SPEF2: variants seen among roughly 807,000 people sequenced by gnomAD.
SPEF2 encodes sperm flagella and cilia-associated protein 2.
In SPEF2, 187 loss-of-function variants were observed where a neutral mutation model predicts 224.6. The ratio of observed to expected loss-of-function variants is 0.83; its 90% CI spans 0.74 to 0.94. The LOEUF (loss-of-function observed/expected upper bound fraction) is 0.94. Ranked by LOEUF, SPEF2 falls within the 40% of genes least tolerant of loss-of-function variation. SPEF2 has a pLI of 0.00. For missense variants in SPEF2, 2,170 were observed against 2,135.6 expected, an observed-to-expected ratio of 1.02 and a Z score of -0.32; for synonymous variants, 715 against 707.3, an observed-to-expected ratio of 1.01 and a Z score of -0.17.
intron 20 of SPEF2, among the ~76,000 whole-genome samples, chr5:35,719,589 G>T (rs562447232): frequency 6.6e-6 from 1 of 151,710 alleles, no homozygotes; most frequent in African/African-American, 2.4e-5. Flanking sequence ...CCAAGATAAA[G>T]TTGGAGCTCC....
intron 27 of SPEF2, among the ~76,000 whole-genome samples, chr5:35,772,743 G>T (rs1355444184): frequency 6.6e-6 from 1 of 152,166 alleles, no homozygotes; most frequent in Non-Finnish European, 1.5e-5. Context: ...TGACTTTAAT[G>T]GAATCACTGT....
intron 20 of SPEF2, among the ~76,000 whole-genome samples, chr5:35,716,293 A>G (rs1450502459): frequency 6.6e-6 from 1 of 152,114 alleles, no homozygotes; most frequent in Non-Finnish European, 1.5e-5. Flanking sequence ...AAGGGCTATA[A>G]TTTATGCTCA....
intron 10 of SPEF2, among the ~76,000 whole-genome samples, chr5:35,684,261 T>G (rs1753255598): frequency 6.6e-6 from 1 of 152,210 alleles, no homozygotes; most frequent in Non-Finnish European, 1.5e-5. Context: ...ACTCGTCATG[T>G]TCTGATTTCA....
chr5:35,754,628 G>T (rs1441679533), intron 24 of SPEF2, among the ~76,000 whole-genome samples: 1 of 152,090 alleles, frequency 6.6e-6, no homozygotes, highest in African/African-American at 2.4e-5. Flanking sequence ...ATTCTTTCCT[G>T]GGTTGTACAA....
intron 30 of SPEF2, chr5:35,789,042 T>C (rs1432486730): frequency 4.4e-6 from 3 of 684,760 alleles, no homozygotes; most frequent in Non-Finnish European, 5.3e-6. Flanking sequence ...GTAAGTAATT[T>C]TGAAATATCG....
At chr5:35,657,402 G>A (rs767903435) in intron 7 of SPEF2, among the ~76,000 whole-genome samples, 9 of 152,136 alleles carry the variant, frequency 5.9e-5, no homozygotes, top group Non-Finnish European at 1.3e-4. Flanking sequence ...GATAGGTTTT[G>A]AGAGTAGGGA....
At chr5:35,785,274 G>A (rs1754938005) in intron 30 of SPEF2, among the ~76,000 whole-genome samples, 2 of 152,178 alleles carry the variant, frequency 1.3e-5, no homozygotes, top group South Asian at 2.1e-4. Context: ...CAGAAATGCA[G>A]TAGTGGATCT....
At chr5:35,780,293 C>T (rs768350337) in intron 30 of SPEF2, among the ~76,000 whole-genome samples, 13 of 152,126 alleles carry the variant, frequency 8.5e-5, no homozygotes, top group Non-Finnish European at 1.6e-4. Flanking sequence ...AAATTCACAT[C>T]ATATATCATT....
intron 36 of SPEF2, among the ~76,000 whole-genome samples, chr5:35,810,996 G>A (rs957952738): frequency 1.1e-4 from 17 of 151,774 alleles, no homozygotes; most frequent in Non-Finnish European, 2.2e-4. Flanking sequence ...GGTCCATCAA[G>A]AAGAGTTGTG....
chr5:35,714,834 C>T (rs779712050), intron 20 of SPEF2, among the ~76,000 whole-genome samples: 11 of 148,536 alleles, frequency 7.4e-5, no homozygotes, highest in East Asian at 3.9e-4. Flanking sequence ...TTTATCCATG[C>T]GACACTATCT....
At chr5:35,698,845 A>G (rs1310955815) in intron 15 of SPEF2, 1 of 152,278 alleles carries the variant, frequency 6.6e-6, no homozygotes, top group Admixed American at 6.5e-5. Flanking sequence ...ACAGCTGAAC[A>G]AAGGTAGCCC....
At chr5:35,708,586 ACC>A (rs1462479049) in intron 18 of SPEF2, among the ~76,000 whole-genome samples, 151 of 151,428 alleles carry the variant, frequency 1.0e-3, no homozygotes, top group Middle Eastern at 6.8e-3. Flanking sequence ...CACCATCACT[ACC>A]ACCATCCCCA....
chr5:35,770,663 G>A (rs74293088), intron 26 of SPEF2, among the ~76,000 whole-genome samples: 12,924 of 152,142 alleles, frequency 0.085, 684 homozygotes, highest in African/African-American at 0.15. Context: ...CTCCAGGTTC[G>A]TCTGTGTTGT....
chr5:35,798,646 T>C (rs575831562), intron 33 of SPEF2, among the ~76,000 whole-genome samples: 16 of 152,090 alleles, frequency 1.1e-4, no homozygotes, highest in Non-Finnish European at 2.4e-4. Flanking sequence ...CAGGCTGGAG[T>C]GCAGTGGCAC....
At chr5:35,676,651 C>G (rs543485819) in intron 10 of SPEF2, among the ~76,000 whole-genome samples, 1 of 152,158 alleles carries the variant, frequency 6.6e-6, no homozygotes, top group Middle Eastern at 3.4e-3. Context: ...ATCCCTTGAA[C>G]CCGGGAGTCA....
intron 25 of SPEF2, among the ~76,000 whole-genome samples, chr5:35,762,339 G>A (rs918211145): frequency 6.6e-6 from 1 of 152,180 alleles, no homozygotes; most frequent in Non-Finnish European, 1.5e-5. Context: ...ATGTTGTACT[G>A]TATTAAACAT....
intron 26 of SPEF2, chr5:35,764,457 T>G (rs765955470): frequency 2.4e-6 from 1 of 408,604 alleles, no homozygotes; most frequent in African/African-American, 2.1e-5. Flanking sequence ...CACATAACTT[T>G]AATCCAAGCA....
chr5:35,690,587 AG>A (rs1327493697), intron 10 of SPEF2, among the ~76,000 whole-genome samples: 90 of 152,286 alleles, frequency 5.9e-4, no homozygotes, highest in African/African-American at 2.0e-3. Flanking sequence ...CATTTCATCA[AG>A]AAGCCTGAAT....
rs191289987 is a variant in SPEF2, at chr5:35,654,844, C to T, written c.978+118C>T. The T allele has an allele frequency of 5.1e-4, 404 of 793,732 alleles. No homozygotes were observed. In the African/African-American group the frequency reaches 5.4e-3, roughly 11 times the overall value. 49.2% of individuals were successfully genotyped at this position (793,732 alleles called of 1,614,324 possible). On this transcript the variant is annotated intron_variant, in intron 7 of 36. Coordinates refer to ENST00000356031, the MANE Select transcript of SPEF2 (RefSeq NM_024867.4). ...GTCTGCTACTCTGCATCAAATGTCA[C>T]TTTCACATCCTCATCATAATAGCAA...
Sources: allele counts gnomAD v4.1 joint callset (sites outside exome capture counted in the v4.1 genomes callset), GRCh38; gene constraint gnomAD v4.1.1; transcripts MANE v1.5; gene names NCBI Gene and HGNC (gene_info 2026-07-23, HGNC 2026-07-21).